Variants in DNAH6 observed in about 807,000 individuals in gnomAD.
DNAH6 encodes axonemal beta dynein heavy chain 6.
In DNAH6, 340 loss-of-function variants were observed where a neutral mutation model predicts 491.4. The ratio of observed to expected loss-of-function variants is 0.69; its 90% CI spans 0.63 to 0.76. The LOEUF (loss-of-function observed/expected upper bound fraction) is 0.76, where lower values mean the gene tolerates loss of function less well. DNAH6 is among the 30% of genes least tolerant of loss of function. DNAH6 has a pLI of 0.00. For synonymous variants in DNAH6, 1,603 were observed against 1,686.1 expected (o/e 0.95, Z 1.21); for missense variants, 4,443 against 4,972.2 (o/e 0.89, Z 3.20).
chr2:84,621,093 C>A (rs1044630973), intron 24 of DNAH6, 98 bp from the exon 25 acceptor site: 8 of 1,253,150 alleles, frequency 6.4e-6, no homozygotes, highest in African/African-American at 1.5e-5. Flanking sequence ...CAGGCTTCAG[C>A]GTTTATGTAG....
At chr2:84,729,535 A>G (rs1349680527) in intron 61 of DNAH6, among the ~76,000 whole-genome samples, 2 of 152,204 alleles carry the variant, frequency 1.3e-5, no homozygotes, top group African/African-American at 4.8e-5. Flanking sequence ...CAAAATCACA[A>G]TAATGCATAA....
chr2:84,735,095 T>G (rs550022724), intron 62 of DNAH6, among the ~76,000 whole-genome samples: 32 of 152,102 alleles, frequency 2.1e-4, no homozygotes, highest in Non-Finnish European at 4.0e-4. Flanking sequence ...GTTCCCTCCT[T>G]TATGTCTGTG....
intron 29 of DNAH6, among the ~76,000 whole-genome samples, chr2:84,634,181 A>G (rs1157055887): frequency 6.6e-6 from 1 of 152,226 alleles, no homozygotes; most frequent in Non-Finnish European, 1.5e-5. Context: ...AAAGTTCTTA[A>G]GTTTGTATGT....
intron 64 of DNAH6, among the ~76,000 whole-genome samples, chr2:84,771,338 T>TA (rs961629604): frequency 6.7e-6 from 1 of 150,110 alleles, no homozygotes; most frequent in African/African-American, 2.4e-5. Context: ...ACCTGAGAGA[T>TA]ACCATCAACC....
chr2:84,590,690 T>C (rs1033284071), intron 16 of DNAH6, among the ~76,000 whole-genome samples: 7 of 152,100 alleles, frequency 4.6e-5, no homozygotes, highest in Admixed American at 2.6e-4. Flanking sequence ...TGACAGTCTC[T>C]TGCACCCTGG....
rs1013925621 is a variant in DNAH6 at position 84,744,978 on chromosome 2, A to C, written c.10343-102A>C. 9.0e-6 allele frequency: 7 copies of C among 776,502 alleles called. No individual in the cohort carries two copies. In the South Asian group the frequency reaches 1.8e-4, roughly 21 times the overall value. 48.1% of individuals were successfully genotyped at this position (776,502 alleles called of 1,614,324 possible). A position where few individuals can be genotyped will look rare whatever the true frequency, so the allele number is the denominator to read the frequency against. ...TATTTATAGTATACTTGTGGTTAAA[A>C]CTGATAGTAAATATAGAGATATTTT... On this transcript the variant is annotated intron_variant, in intron 62 of 76. Transcript: ENST00000389394.
At chr2:84,490,146 C>T in the DNAH6 span, among the ~76,000 whole-genome samples, 1 of 152,110 alleles carries the variant, frequency 6.6e-6, no homozygotes, top group African/African-American at 2.4e-5. Context: ...TTTGTATCTA[C>T]CACATATTGT....
intron 33 of DNAH6, among the ~76,000 whole-genome samples, chr2:84,648,966 T>C (rs1690155536): frequency 6.6e-6 from 1 of 152,210 alleles, no homozygotes; most frequent in South Asian, 2.1e-4. Context: ...TGTCTTATTT[T>C]AAGAAATTGC....
At chr2:84,488,067 G>A in the DNAH6 span, among the ~76,000 whole-genome samples, 1 of 152,052 alleles carries the variant, frequency 6.6e-6, no homozygotes, top group African/African-American at 2.4e-5. Flanking sequence ...TGAGTACTCT[G>A]TTTTTAGGCA....
At chr2:84,489,352 A>C in the DNAH6 span, among the ~76,000 whole-genome samples, 1 of 152,066 alleles carries the variant, frequency 6.6e-6, no homozygotes, top group Non-Finnish European at 1.5e-5. Flanking sequence ...TGCTGAAAAA[A>C]ATTCATTCCT....
intron 70 of DNAH6, among the ~76,000 whole-genome samples, chr2:84,802,824 C>T (rs1476638930): frequency 1.3e-5 from 2 of 152,088 alleles, no homozygotes; most frequent in Non-Finnish European, 2.9e-5. Flanking sequence ...AAGCAAGTCT[C>T]AACAAATTTA....
In DNAH6 at chr2:84,718,217, C is replaced by T; in HGVS notation, c.9625C>T (p.Leu3209Phe). The T allele has an allele frequency of 6.5e-7, 1 of 1,532,096 alleles. No individual in the cohort carries two copies. The highest frequency in any genetic ancestry group is 8.8e-7 in the Non-Finnish European group (1 of 1,139,068). The allele number at this position is 1,532,096 out of a possible 1,614,324, so 94.9% of individuals were successfully genotyped here. Reference protein sequence around the residue: ...EDQLLSDVVRLEKPRLEEQRI... With the variant: ...EDQLLSDVVRFEKPRLEEQRI... Reference sequence around the variant, plus strand: ...CTTTGGTTTTAGTGATGTGGTGCGACTTGAAAAACCCAGGTTGGAAGAACA... The same window carrying T: ...CTTTGGTTTTAGTGATGTGGTGCGATTTGAAAAACCCAGGTTGGAAGAACA... Residue 3209 changes from leucine (L) to phenylalanine (F), a missense_variant, in exon 59 of 77, where the codon CTT becomes TTT. Leu to Phe is a conservative substitution (Grantham distance 22, BLOSUM62 0). Transcript: ENST00000389394.
At chr2:84,809,685 C>A (rs984156075) in intron 72 of DNAH6, among the ~76,000 whole-genome samples, 19 of 152,130 alleles carry the variant, frequency 1.2e-4, no homozygotes, top group African/African-American at 7.2e-5. Flanking sequence ...CTGTCTAGGG[C>A]AGGTAGTTAA....
At chr2:84,751,731 T>C (rs945960692) in intron 63 of DNAH6, among the ~76,000 whole-genome samples, 1 of 152,168 alleles carries the variant, frequency 6.6e-6, no homozygotes, top group Non-Finnish European at 1.5e-5. Context: ...TAAGACAAGT[T>C]CTCTACACCA....
the DNAH6 span, among the ~76,000 whole-genome samples, chr2:84,493,530 C>A: frequency 6.6e-6 from 1 of 152,130 alleles, no homozygotes; most frequent in Non-Finnish European, 1.5e-5. Context: ...AAAAGAGGAA[C>A]TACCTTTAAA....
At chr2:84,795,643 G>A (rs932354365) in intron 68 of DNAH6, among the ~76,000 whole-genome samples, 1 of 152,192 alleles carries the variant, frequency 6.6e-6, no homozygotes, top group Admixed American at 6.5e-5. Flanking sequence ...GTGAATTGTA[G>A]CAATGGATCT....
the DNAH6 span, among the ~76,000 whole-genome samples, chr2:84,464,563 C>A: frequency 6.6e-6 from 1 of 152,162 alleles, no homozygotes; most frequent in Admixed American, 6.5e-5. Flanking sequence ...ACAGCAGCCC[C>A]GAGGGCTGCT....
In DNAH6 at chr2:84,797,585, A is replaced by G. The variant is rs926760217; in HGVS notation, c.11408A>G (p.Tyr3803Cys). 15 of 1,551,606 alleles carry G rather than the reference A, an allele frequency of 9.7e-6. No individual in the cohort carries two copies. Among genetic ancestry groups the G allele is most frequent in the African/African-American group, 1.4e-5 (1 of 73,052 alleles). ...GACAGCCTACAAGAGTTTAAGGACT[A>G]CATTGAAAATCTGCCTTTGATCGAT... The part of the protein sequence containing the change: ...MADSLQEFKD[Y>C]IENLPLIDDP... The change falls in exon 70 of 77, where the codon TAC becomes TGC. Residue 3803 changes from tyrosine to cysteine, a missense_variant. Coordinates refer to ENST00000389394, the MANE Select transcript of DNAH6 (RefSeq NM_001370.2).
intron 39 of DNAH6, among the ~76,000 whole-genome samples, chr2:84,671,640 T>C (rs1021449328): frequency 2.0e-5 from 3 of 152,124 alleles, no homozygotes; most frequent in Admixed American, 2.0e-4. Context: ...ACCCCTTCCT[T>C]ACCCCCCACC....
Sources: allele counts gnomAD v4.1 joint callset (sites outside exome capture counted in the v4.1 genomes callset), GRCh38; gene constraint gnomAD v4.1.1; transcripts MANE v1.5; gene names NCBI Gene and HGNC (gene_info 2026-07-23, HGNC 2026-07-21).